The following ATP9A variants were observed in gnomAD, a reference collection of about 807,000 sequenced individuals.
The protein encoded by ATP9A is probable phospholipid-transporting ATPase IIA.
Under a neutral mutation model 144.1 loss-of-function variants are expected in ATP9A, and 52 were observed. That is an observed-to-expected ratio of 0.36 (90% confidence interval 0.29 to 0.45). ATP9A has a LOEUF of 0.45. ATP9A is among the 20% of genes least tolerant of loss of function. ATP9A has a pLI of 1.00. For synonymous variants in ATP9A, 582 were observed against 557.4 expected (o/e 1.04, Z -0.62); for missense variants, 947 against 1,392.7 (o/e 0.68, Z 5.09).
intron 15 of ATP9A, among the ~76,000 whole-genome samples, chr20:51,632,537 C>T (rs2077274081): frequency 6.6e-6 from 1 of 152,116 alleles, no homozygotes; most frequent in African/African-American, 2.4e-5. Context: ...GAGCGGCATC[C>T]CTGCTCTCCA....
chr20:51,636,607 C>T lies in ATP9A; in HGVS notation c.1668+2736G>A, dbSNP rs562033189. 2.0e-5 allele frequency among the ~76,000 whole-genome samples: 3 copies of T among 152,322 alleles called. No homozygotes were observed. In the South Asian group the frequency reaches 6.2e-4, roughly 32 times the overall value. On this transcript the variant is annotated intron_variant, in intron 15 of 27. Coordinates refer to ENST00000338821, the MANE Select transcript of ATP9A (RefSeq NM_006045.3). ...GAAGCCAGGCAGCCTGGAGTGAGTT[C>T]CAGCCCCACTAATTCCAGCTGTGTG...
At chr20:51,638,201 T>C (rs2077303497) in intron 15 of ATP9A, among the ~76,000 whole-genome samples, 1 of 142,930 alleles carries the variant, frequency 7.0e-6, no homozygotes, top group Non-Finnish European at 1.5e-5. Context: ...CAAATTGTGC[T>C]GCTATAAAAA....
intron 2 of ATP9A, among the ~76,000 whole-genome samples, chr20:51,728,626 C>A (rs1210824342): frequency 6.2e-4 from 81 of 129,978 alleles, no homozygotes; most frequent in East Asian, 1.1e-3. Context: ...GACTCCATCT[C>A]AAAAAAAAAA....
At chr20:51,736,091 G>A (rs892001672) in intron 1 of ATP9A, among the ~76,000 whole-genome samples, 8 of 152,246 alleles carry the variant, frequency 5.3e-5, no homozygotes. Flanking sequence ...AGAAGAAGCT[G>A]CCATGCACCC....
intron 1 of ATP9A, among the ~76,000 whole-genome samples, chr20:51,762,075 C>T (rs2077883152): frequency 6.6e-6 from 1 of 152,076 alleles, no homozygotes; most frequent in African/African-American, 2.4e-5. Flanking sequence ...TGTGATAACA[C>T]TGGGCCGGGC....
chr20:51,677,110 T>C (rs868591823), intron 9 of ATP9A, among the ~76,000 whole-genome samples: 1 of 151,718 alleles, frequency 6.6e-6, no homozygotes, highest in East Asian at 1.9e-4. Flanking sequence ...ATTTTTGTTT[T>C]TTTTGTAGAA....
At chr20:51,620,746 T>G (rs574744476) in intron 19 of ATP9A, among the ~76,000 whole-genome samples, 29 of 152,144 alleles carry the variant, frequency 1.9e-4, no homozygotes, top group Non-Finnish European at 3.4e-4. Context: ...GGATACTCGA[T>G]GGACTGCAAA....
rs1330535257 is a variant in ATP9A at position 51,611,982 on chromosome 20, G to A, written c.2571+1695C>T. On this transcript the variant is annotated intron_variant, in intron 23 of 27. Transcript: ENST00000338821. The surrounding 1 kb of genome is among the most constrained non-coding windows in gnomAD (Gnocchi z 4.2). ...ACTACCTGATACATTGTACAAGGCA[G>A]ACCGCCTTTCAAGTATGATTAAACA... Among the ~76,000 whole-genome samples, 1 of 152,224 alleles carries A rather than the reference G, an allele frequency of 6.6e-6. No individual in the cohort carries two copies. Among genetic ancestry groups the A allele is most frequent in the African/African-American group, 2.4e-5 (1 of 41,458 alleles).
chr20:51,719,640 G>A lies in ATP9A; in HGVS notation c.327+6179C>T, dbSNP rs142503189. 7.3e-3 allele frequency among the ~76,000 whole-genome samples: 1,104 copies of A among 151,540 alleles called. 9 individuals carry two copies. Among genetic ancestry groups the A allele is most frequent in the African/African-American group, 0.025 (1,017 of 41,342 alleles). ...CCCAGCTACTTGGGAGGCTGAGGCC[G>A]GAGAATCGCTTGAACCCAGGAGGCA... On this transcript the variant is annotated intron_variant, in intron 3 of 27. Transcript: ENST00000338821.
intron 24 of ATP9A, among the ~76,000 whole-genome samples, 169 bp downstream of exon 24, chr20:51,609,932 T>C (rs912198911): frequency 5.9e-5 from 9 of 152,200 alleles, no homozygotes; most frequent in African/African-American, 2.2e-4. Context: ...GCTCAAAACC[T>C]TGTTAATTGA....
chr20:51,651,586 C>A (rs925059569), intron 14 of ATP9A, among the ~76,000 whole-genome samples: 1 of 151,526 alleles, frequency 6.6e-6, no homozygotes, highest in Non-Finnish European at 1.5e-5. Flanking sequence ...CTTTTTGATT[C>A]TACAATTTCT....
intron 1 of ATP9A, among the ~76,000 whole-genome samples, chr20:51,765,671 C>T (rs2077900831): frequency 1.7e-5 from 2 of 115,096 alleles, no homozygotes; most frequent in African/African-American, 3.1e-5. Context: ...TAGATTAGTT[C>T]CAGGCCAAGC....
At chr20:51,674,902 T>A (rs1242817931) in intron 10 of ATP9A, among the ~76,000 whole-genome samples, 3 of 152,140 alleles carry the variant, frequency 2.0e-5, no homozygotes, top group Non-Finnish European at 2.9e-5. Flanking sequence ...GGCTCACACC[T>A]CCTGGGTTCA....
intron 26 of ATP9A, among the ~76,000 whole-genome samples, chr20:51,606,958 A>G (rs1386014738): frequency 6.6e-6 from 1 of 150,586 alleles, no homozygotes; most frequent in Non-Finnish European, 1.5e-5. Context: ...GCACTACAAA[A>G]CATACATAAA....
chr20:51,661,683 TTAAAGA>T lies in ATP9A; in HGVS notation c.1294-4539_1294-4534del, dbSNP rs1216629786. Among the ~76,000 whole-genome samples, 6 of 152,024 alleles carry T rather than the reference TTAAAGA, an allele frequency of 3.9e-5. No homozygotes were observed. The South Asian group carries it at 1.0e-3, about 26-fold the overall frequency. On this transcript the variant is annotated intron_variant, in intron 13 of 27. Transcript: ENST00000338821. ...ACTGCACCCAGCCAGAAATACACTA[TTAAAGA>T]TAAAGAATTTCTGTTATGATAACCC...
chr20:51,730,066 C>T, intron 1 of ATP9A, 88 bp from the exon 2 acceptor site: 1 of 1,336,744 alleles, frequency 7.5e-7, no homozygotes, highest in Non-Finnish European at 9.7e-7. Context: ...TTGCTTTTCT[C>T]TACAGCATCT....
chr20:51,679,903 C>A (rs906719462), intron 9 of ATP9A, among the ~76,000 whole-genome samples: 2 of 152,116 alleles, frequency 1.3e-5, no homozygotes, highest in South Asian at 4.1e-4. Flanking sequence ...GTAGTCGTCT[C>A]ATCAAATGGG....
At chr20:51,716,967 A>G (rs902536635) in intron 3 of ATP9A, among the ~76,000 whole-genome samples, 7 of 152,124 alleles carry the variant, frequency 4.6e-5, no homozygotes, top group Non-Finnish European at 1.0e-4. Context: ...TGAGGTCAGG[A>G]GTTCCAGATC....
At chr20:51,740,653 C>A (rs1248067638) in intron 1 of ATP9A, among the ~76,000 whole-genome samples, 1 of 149,216 alleles carries the variant, frequency 6.7e-6, no homozygotes, top group Admixed American at 6.8e-5. Flanking sequence ...GCGCAGCCTC[C>A]TTTTCCCCAG....
Sources: gnomAD v4.1 joint callset for allele counts (sites outside exome capture counted in the v4.1 genomes callset) on GRCh38, gnomAD v4.1.1 for gene constraint, Gnocchi (gnomAD v3.1) non-coding constraint, MANE v1.5 for transcripts, NCBI Gene and HGNC (gene_info 2026-07-23, HGNC 2026-07-21) for gene names.